EYS: variants seen among roughly 807,000 people sequenced by gnomAD.
EYS encodes the protein EGF-like photoreceptor maintenance factor, also known as protein eyes shut homolog.
EYS carries 250 observed loss-of-function variants against 282.1 expected under a neutral mutation model. The ratio of observed to expected loss-of-function variants is 0.89; its 90% CI spans 0.80 to 0.98. EYS has a LOEUF of 0.98. EYS is among the 50% of genes least tolerant of loss of function. The pLI, the probability that EYS is intolerant of heterozygous loss-of-function variation, is 0.00. For missense variants in EYS, 4,016 were observed against 3,709.0 expected, an observed-to-expected ratio of 1.08 and a Z score of -2.15; for synonymous variants, 1,355 against 1,282.9, an observed-to-expected ratio of 1.06 and a Z score of -1.20.
intron 26 of EYS, among the ~76,000 whole-genome samples, chr6:64,516,202 A>G (rs987888661): frequency 2.0e-5 from 3 of 150,896 alleles, no homozygotes; most frequent in Non-Finnish European, 4.4e-5. Flanking sequence ...ACCAGGAAAA[A>G]GTAACTAACA....
At chr6:63,820,641 T>C (rs1011118220) in intron 36 of EYS, among the ~76,000 whole-genome samples, 7 of 152,220 alleles carry the variant, frequency 4.6e-5, no homozygotes, top group Non-Finnish European at 1.0e-4. Context: ...AGAAGCTTAA[T>C]TTTGTTTTCT....
At chr6:64,140,485 G>A (rs1774305687) in intron 31 of EYS, among the ~76,000 whole-genome samples, 1 of 152,156 alleles carries the variant, frequency 6.6e-6, no homozygotes, top group Non-Finnish European at 1.5e-5. Context: ...ATCCCAAGGA[G>A]GTGGACCTGT....
intron 2 of EYS, among the ~76,000 whole-genome samples, chr6:65,538,232 A>G (rs759760443): frequency 1.3e-5 from 2 of 152,198 alleles, no homozygotes; most frequent in African/African-American, 2.4e-5. Context: ...CTTTAGGAGA[A>G]TTAAGAAAGC....
intron 22 of EYS, among the ~76,000 whole-genome samples, chr6:64,759,187 G>T (rs912055997): frequency 2.6e-5 from 4 of 152,046 alleles, no homozygotes; most frequent in Admixed American, 1.3e-4. Context: ...AAGTTGTAAT[G>T]AGACAACGGG....
At chr6:65,697,436 G>A (rs1769493077) in intron 1 of EYS, among the ~76,000 whole-genome samples, 1 of 151,966 alleles carries the variant, frequency 6.6e-6, no homozygotes, top group South Asian at 2.1e-4. Context: ...TTCTATTTGT[G>A]CAGGTAGTCT....
chr6:64,461,958 G>C (rs1012605222), intron 26 of EYS, among the ~76,000 whole-genome samples: 1 of 151,818 alleles, frequency 6.6e-6, no homozygotes, highest in Non-Finnish European at 1.5e-5. Flanking sequence ...ATTGAAAAAA[G>C]CAATAAATTT....
chr6:64,973,279 T>C (rs115837179), intron 14 of EYS, among the ~76,000 whole-genome samples: 1,802 of 152,110 alleles, frequency 0.012, 21 homozygotes, highest in Non-Finnish European at 0.016. Flanking sequence ...TACCCTTCTA[T>C]GTACTAGGCA....
At chr6:65,282,176 G>A (rs972075115) in intron 12 of EYS, among the ~76,000 whole-genome samples, 1 of 151,820 alleles carries the variant, frequency 6.6e-6, no homozygotes, top group African/African-American at 2.4e-5. Context: ...GGTGAATATA[G>A]GTTAATAATA....
At chr6:64,879,893 C>T (rs971726122) in intron 19 of EYS, among the ~76,000 whole-genome samples, 2 of 151,830 alleles carry the variant, frequency 1.3e-5, no homozygotes, top group African/African-American at 4.8e-5. Context: ...TATAATTGTG[C>T]CATTTAGAAA....
intron 22 of EYS, among the ~76,000 whole-genome samples, chr6:64,748,914 A>T (rs1414995648): frequency 6.6e-6 from 1 of 152,180 alleles, no homozygotes; most frequent in East Asian, 1.9e-4. Context: ...CTGGGATTAC[A>T]GGGTTGTACC....
At position 64,418,023 on chromosome 6, in the gene EYS, T is replaced by C. The variant is rs1774114412; in HGVS notation, c.5927+18151A>G. Among the ~76,000 whole-genome samples the C allele has an allele frequency of 3.3e-5, 5 of 152,158 alleles. No individual in the cohort carries two copies. The South Asian group carries it at 1.0e-3, about 32-fold the overall frequency. On this transcript the variant is annotated intron_variant, in intron 28 of 42. Coordinates refer to ENST00000503581, the MANE Select transcript of EYS (RefSeq NM_001142800.2). The stretch of plus-strand genomic sequence containing the variant: ...AATTAAAATATTTATAACACAACAA[T>C]GTTTTTCAAAAATGTTTTCATATGA...
At chr6:65,413,855 TA>T (rs559660359) in intron 5 of EYS, among the ~76,000 whole-genome samples, 15 of 147,476 alleles carry the variant, frequency 1.0e-4, no homozygotes, top group South Asian at 2.1e-4. Flanking sequence ...GACTTTGTCT[TA>T]AAAAAAAAAG....
chr6:64,227,590 T>C (rs1766288931), intron 31 of EYS, among the ~76,000 whole-genome samples: 1 of 152,084 alleles, frequency 6.6e-6, no homozygotes, highest in Non-Finnish European at 1.5e-5. Flanking sequence ...CTCTCATTTG[T>C]AAATGGGGGT....
At chr6:63,808,122 A>G (rs1216100668) in intron 36 of EYS, among the ~76,000 whole-genome samples, 3 of 152,190 alleles carry the variant, frequency 2.0e-5, no homozygotes, top group African/African-American at 7.2e-5. Flanking sequence ...ACACAAAGAT[A>G]AAAAAGCACT....
intron 13 of EYS, among the ~76,000 whole-genome samples, chr6:65,015,870 T>TAAAAAAA (rs776971479): frequency 1.2e-4 from 6 of 52,028 alleles, no homozygotes; most frequent in East Asian, 1.2e-3. Flanking sequence ...TCGTCTCTAC[T>TAAAAAAA]AAAAAAAAAA....
At chr6:65,164,898 C>T (rs1397865307) in intron 12 of EYS, among the ~76,000 whole-genome samples, 1 of 151,162 alleles carries the variant, frequency 6.6e-6, no homozygotes, top group Non-Finnish European at 1.5e-5. Flanking sequence ...TCTGTGTTCC[C>T]CTTCTTATAA....
At position 64,445,754 on chromosome 6, in the gene EYS, G is replaced by A. The variant is rs77565003; in HGVS notation, c.5645-6402C>T. ...TTCCAAAACTGTTCTTCTGTAATAG[G>A]AGGAAGAAATAACTTTCTCAAGTTA... is the stretch of plus-strand genomic sequence containing the variant. On this transcript the variant is annotated intron_variant, in intron 26 of 42. Coordinates refer to ENST00000503581, the MANE Select transcript of EYS (RefSeq NM_001142800.2). 2.0e-4 allele frequency among the ~76,000 whole-genome samples: 31 copies of A among 152,146 alleles called. 1 individual carries two copies. The East Asian group carries it at 4.8e-3, about 24-fold the overall frequency.
chr6:64,783,304 CATATACATATCCT>C (rs531200488), intron 22 of EYS, among the ~76,000 whole-genome samples: 282 of 151,506 alleles, frequency 1.9e-3, no homozygotes, highest in African/African-American at 6.5e-3. Flanking sequence ...ATCCTATATA[CATATACATATCCT>C]ATATACATAT....
intron 29 of EYS, among the ~76,000 whole-genome samples, chr6:64,346,978 T>C (rs1333403140): frequency 6.6e-6 from 1 of 151,432 alleles, no homozygotes; most frequent in East Asian, 1.9e-4. Flanking sequence ...CTTAAAATAA[T>C]GACAATGCAG....
Sources: gnomAD v4.1 joint callset for allele counts (sites outside exome capture counted in the v4.1 genomes callset) on GRCh38, gnomAD v4.1.1 for gene constraint, MANE v1.5 for transcripts, NCBI Gene and HGNC (gene_info 2026-07-23, HGNC 2026-07-21) for gene names.